The following GNPTAB variants were observed in gnomAD, a reference collection of about 807,000 sequenced individuals.
GNPTAB encodes the protein N-acetylglucosamine-1-phosphotransferase subunits alpha/beta.
GNPTAB carries 92 observed loss-of-function variants against 136.6 expected under a neutral mutation model. That is an observed-to-expected ratio of 0.67 (90% confidence interval 0.57 to 0.80). GNPTAB has a LOEUF of 0.80. Ranked by LOEUF, GNPTAB falls within the 30% of genes least tolerant of loss-of-function variation. The pLI is 0.00. For synonymous variants in GNPTAB, 512 were observed against 535.1 expected (o/e 0.96, Z 0.60); for missense variants, 1,343 against 1,501.8 (o/e 0.89, Z 1.75).
intron 7 of GNPTAB, among the ~76,000 whole-genome samples, chr12:101,771,546 A>T (rs1953177053): frequency 6.6e-6 from 1 of 152,170 alleles, no homozygotes; most frequent in Non-Finnish European, 1.5e-5. Context: ...AACTGGCCTG[A>T]TCTTTAATCT....
intron 7 of GNPTAB, among the ~76,000 whole-genome samples, chr12:101,771,405 G>A (rs1362556064): frequency 3.3e-5 from 5 of 151,996 alleles, no homozygotes; most frequent in Non-Finnish European, 7.4e-5. Context: ...CATCACGCCC[G>A]GCAAACTTTT....
At position 101,829,840 on chromosome 12, in the gene GNPTAB, G is replaced by T. The variant is rs115208599; in HGVS notation, c.117+719C>A. Among the ~76,000 whole-genome samples the T allele has an allele frequency of 1.0e-3, 158 of 152,088 alleles. 1 individual carries two copies. The highest frequency in any genetic ancestry group is 3.7e-3 in the African/African-American group (152 of 41,486). On this transcript the variant is annotated intron_variant, in intron 1 of 20. Coordinates refer to ENST00000299314, the MANE Select transcript of GNPTAB (RefSeq NM_024312.5). ...ACAAACACTTGCACTGCATTCTCTG[G>T]CAGTACCTGGCACTGTGCTTGGGCC...
At chr12:101,754,290 G>A (rs1223866228) in intron 18 of GNPTAB, among the ~76,000 whole-genome samples, 1 of 152,018 alleles carries the variant, frequency 6.6e-6, no homozygotes, top group Non-Finnish European at 1.5e-5. Context: ...TTAGCCGGGT[G>A]TGGTGGCATG....
chr12:101,813,043 G>A (rs555922340), intron 1 of GNPTAB, among the ~76,000 whole-genome samples: 1 of 150,690 alleles, frequency 6.6e-6, no homozygotes, highest in Admixed American at 6.6e-5. Flanking sequence ...ATGTTGCCCA[G>A]GCTGGTCTTG....
At chr12:101,770,371 A>G (rs754241800) in intron 9 of GNPTAB, 35 bp downstream of exon 9, 2 of 1,515,164 alleles carry the variant, frequency 1.3e-6, no homozygotes, top group Non-Finnish European at 1.8e-6. Context: ...CAGAATTAGA[A>G]ATCACAGTCT....
chr12:101,813,737 C>T (rs1870358684), intron 1 of GNPTAB, among the ~76,000 whole-genome samples: 1 of 152,154 alleles, frequency 6.6e-6, no homozygotes, highest in Non-Finnish European at 1.5e-5. Context: ...TGGTAGCTAA[C>T]ACCTGTAAAC....
rs1266236829 is a variant in GNPTAB, at chr12:101,789,923, A to C, written c.323+15T>G. ...CACATTACCCATCTGATGTGAAAAA[A>C]AAAATCAGTTTTACCTCATTGCTTT... On this transcript the variant is annotated intron_variant, in intron 3 of 20. Coordinates refer to ENST00000299314, the MANE Select transcript of GNPTAB (RefSeq NM_024312.5). 2 of 1,613,842 alleles carry C rather than the reference A, an allele frequency of 1.2e-6. No homozygotes were observed. The highest frequency in any genetic ancestry group is 1.7e-5 in the Admixed American group (1 of 60,010).
At chr12:101,817,780 C>T (rs546444728) in intron 1 of GNPTAB, among the ~76,000 whole-genome samples, 2 of 152,140 alleles carry the variant, frequency 1.3e-5, no homozygotes, top group South Asian at 2.1e-4. Flanking sequence ...GGGAACATAG[C>T]GAGATCCTGT....
At position 101,764,696 on chromosome 12, in the gene GNPTAB, T is replaced by C; in HGVS notation, c.2221A>G (p.Met741Val). The C allele has an allele frequency of 6.2e-7, 1 of 1,613,124 alleles. No homozygotes were observed. The highest frequency in any genetic ancestry group is 1.3e-5 in the African/African-American group (1 of 74,962). Residue 741 changes from methionine to valine, a missense_variant, in exon 13 of 21, where the codon ATG becomes GTG. Met to Val is a conservative substitution (Grantham distance 21). Coordinates refer to ENST00000299314, the MANE Select transcript of GNPTAB (RefSeq NM_024312.5). Reference sequence around the variant, plus strand: ...TTTATTTTAGCATGCTGTGAGTTCATCAGAAATGATCTCAGCAAGGCTGAC... The same window carrying C: ...TTTATTTTAGCATGCTGTGAGTTCACCAGAAATGATCTCAGCAAGGCTGAC... ...SKSALLRSFL[M>V]NSQHAKIKNQ...
intron 3 of GNPTAB, among the ~76,000 whole-genome samples, chr12:101,789,598 C>A (rs752938103): frequency 2.6e-4 from 39 of 152,214 alleles, no homozygotes; most frequent in Non-Finnish European, 5.3e-4. Context: ...GATTCTCCCG[C>A]CTTAGCCTCC....
intron 13 of GNPTAB, among the ~76,000 whole-genome samples, chr12:101,763,238 GA>G (rs1291255483): frequency 7.0e-5 from 5 of 71,886 alleles, no homozygotes; most frequent in Non-Finnish European, 1.5e-4. Flanking sequence ...AAAAAAAAAA[GA>G]AAGGAAAGGA....
intron 3 of GNPTAB, among the ~76,000 whole-genome samples, chr12:101,789,029 T>A (rs1298364628): frequency 6.6e-6 from 1 of 152,234 alleles, no homozygotes; most frequent in African/African-American, 2.4e-5. Flanking sequence ...CTAAAAGGCA[T>A]AAAGGGAGTA....
chr12:101,776,057 T>C (rs1566080585), intron 7 of GNPTAB, among the ~76,000 whole-genome samples: 1 of 151,592 alleles, frequency 6.6e-6, no homozygotes, highest in Non-Finnish European at 1.5e-5. Flanking sequence ...CACACGCTGC[T>C]TCCAAAATGT....
chr12:101,753,309 A>G, intron 19 of GNPTAB, 63 bp downstream of exon 19: 1 of 1,218,880 alleles, frequency 8.2e-7, no homozygotes, highest in Non-Finnish European at 1.2e-6. Context: ...TCACTAACAT[A>G]TAGATACATA....
intron 3 of GNPTAB, among the ~76,000 whole-genome samples, chr12:101,789,454 AC>A (rs1868853792): frequency 6.6e-6 from 1 of 151,454 alleles, no homozygotes; most frequent in Non-Finnish European, 1.5e-5. Context: ...GCTTACTTGT[AC>A]CCACAGGACT....
chr12:101,809,052 G>A (rs1870088453), intron 1 of GNPTAB, among the ~76,000 whole-genome samples: 1 of 152,112 alleles, frequency 6.6e-6, no homozygotes, highest in Non-Finnish European at 1.5e-5. Context: ...TAAGGAACTG[G>A]TATCCAAAAT....
At chr12:101,766,336 A>G (rs1566075442) in intron 11 of GNPTAB, 42 bp from the exon 12 acceptor site, 4 of 1,559,554 alleles carry the variant, frequency 2.6e-6, no homozygotes, top group Non-Finnish European at 2.7e-6. Flanking sequence ...CTGTAATTAC[A>G]ATTTTGAAAG....
chr12:101,804,664 A>G (rs1363843411), intron 1 of GNPTAB, among the ~76,000 whole-genome samples: 1 of 152,218 alleles, frequency 6.6e-6, no homozygotes, highest in Non-Finnish European at 1.5e-5. Flanking sequence ...CATTTCAAGC[A>G]CTCAGTAGCC....
intron 1 of GNPTAB, among the ~76,000 whole-genome samples, chr12:101,805,189 T>C (rs4764820): frequency 0.21 from 31,271 of 152,170 alleles, 3,292 homozygotes; most frequent in Admixed American, 0.24. Context: ...CAAATTTTAT[T>C]TTTGCAAAAT....
Sources: gnomAD v4.1 joint callset for allele counts (sites outside exome capture counted in the v4.1 genomes callset) on GRCh38, gnomAD v4.1.1 for gene constraint, MANE v1.5 for transcripts, NCBI Gene and HGNC (gene_info 2026-07-23, HGNC 2026-07-21) for gene names.